PCDHGB4: variants seen among roughly 807,000 people sequenced by gnomAD.
PCDHGB4 encodes protocadherin gamma-B4.
Under a neutral mutation model 60.5 loss-of-function variants are expected in PCDHGB4, and 38 were observed. The ratio of observed to expected loss-of-function variants is 0.63; its 90% CI spans 0.48 to 0.82. The LOEUF (loss-of-function observed/expected upper bound fraction) is 0.82. Among genes scored for constraint, PCDHGB4 ranks in the 40% least tolerant of loss-of-function variants. The pLI, the probability that PCDHGB4 is intolerant of heterozygous loss-of-function variation, is 0.00. For synonymous variants in PCDHGB4, 456 were observed against 509.7 expected (o/e 0.89, Z 1.42); for missense variants, 1,109 against 1,209.6 (o/e 0.92, Z 1.23).
chr5:141,424,195 A>C (rs2096804945), intron 1 of PCDHGB4: 1 of 183,680 alleles, frequency 5.4e-6, no homozygotes, highest in Non-Finnish European at 1.1e-5. Context: ...ACACACTTAT[A>C]CACGTAAGCT....
intron 1 of PCDHGB4, chr5:141,405,487 T>G (rs750718741): frequency 4.3e-6 from 4 of 924,990 alleles, no homozygotes; most frequent in Non-Finnish European, 6.4e-6. Context: ...TGGTGTGATC[T>G]CGGCTCATTG....
chr5:141,467,321 G>A (rs2099141786), intron 1 of PCDHGB4, among the ~76,000 whole-genome samples: 2 of 152,024 alleles, frequency 1.3e-5, no homozygotes, highest in East Asian at 1.9e-4. Context: ...CCACAGTGCT[G>A]GGATTAGAGA....
chr5:141,394,275 A>G (rs371709954), intron 1 of PCDHGB4: 21 of 1,613,792 alleles, frequency 1.3e-5, no homozygotes, highest in Non-Finnish European at 1.6e-5. Flanking sequence ...TGCCCAGGTC[A>G]CTTACTCTGT....
At chr5:141,392,505 T>G (rs1271878225) in intron 1 of PCDHGB4, 1 of 227,850 alleles carries the variant, frequency 4.4e-6, no homozygotes, top group African/African-American at 2.3e-5. Flanking sequence ...ATGATTTTTT[T>G]TTCTCAGTAA....
In PCDHGB4 at chr5:141,491,835, G is replaced by C; in HGVS notation, c.2398-2972G>C. On this transcript the variant is annotated intron_variant, in intron 1 of 3. Coordinates refer to ENST00000519479, the MANE Select transcript of PCDHGB4 (RefSeq NM_003736.4). The surrounding 1 kb of genome is among the most constrained non-coding windows in gnomAD (Gnocchi z 6.9). The stretch of plus-strand genomic sequence containing the variant: ...GCTGGCTGCGCTCCACCCGATTCTC[G>C]GGATCATTGGACCGTTTGCGCGAAA... 1 of 1,473,258 alleles carries C rather than the reference G, an allele frequency of 6.8e-7. No individual in the cohort carries two copies. The highest frequency in any genetic ancestry group is 9.0e-7 in the Non-Finnish European group (1 of 1,112,098). The allele number at this position is 1,473,258 out of a possible 1,614,324, so 91.3% of individuals were successfully genotyped here.
chr5:141,432,642 C>T lies in PCDHGB4; in HGVS notation c.2397+42361C>T, dbSNP rs746251093. 7.4e-6 allele frequency: 12 copies of T among 1,613,784 alleles called. No individual in the cohort carries two copies. The highest frequency in any genetic ancestry group is 2.7e-5 in the African/African-American group (2 of 75,056). ...GGTCTGCACACGGGCGAGGTGCGCA[C>T]GGCGCGAGCCCTGCTGGACAGAGAC... On this transcript the variant is annotated intron_variant, in intron 1 of 3. Coordinates refer to ENST00000519479, the MANE Select transcript of PCDHGB4 (RefSeq NM_003736.4). This position sits in a 1 kb window ranked among gnomAD's most constrained non-coding sequence, Gnocchi z 6.0.
intron 1 of PCDHGB4, chr5:141,399,663 G>A: frequency 6.2e-7 from 1 of 1,613,624 alleles, no homozygotes; most frequent in Non-Finnish European, 8.5e-7. Flanking sequence ...TGGTGTTCGC[G>A]CAGCGCGCCT....
intron 1 of PCDHGB4, among the ~76,000 whole-genome samples, chr5:141,474,312 T>G (rs1358237994): frequency 6.6e-6 from 1 of 152,228 alleles, no homozygotes; most frequent in African/African-American, 2.4e-5. Flanking sequence ...AACTTTAATG[T>G]GTTTTCAAAT....
chr5:141,395,542 T>TTGTTTGTTTGTG (rs1267535064), intron 1 of PCDHGB4: 1 of 168,708 alleles, frequency 5.9e-6, no homozygotes, highest in African/African-American at 5.7e-5. Flanking sequence ...TTGCTATTGT[T>TTGTTTGTTTGTG]TGTGTGTGTG....
intron 1 of PCDHGB4, chr5:141,422,116 T>A (rs753281558): frequency 2.5e-6 from 4 of 1,604,730 alleles, no homozygotes; most frequent in Non-Finnish European, 3.4e-6. Context: ...CCAATTGGAT[T>A]CACAAACTGG....
Position 141,486,288 on chromosome 5 carries a change from T to C in PCDHGB4, c.2398-8519T>C. 5 of 1,613,996 alleles carry C rather than the reference T, an allele frequency of 3.1e-6. No individual in the cohort carries two copies. The highest frequency in any genetic ancestry group is 4.2e-6 in the Non-Finnish European group (5 of 1,179,986). ...GAACCTGGCACTGTGGTGGCACTTA[T>C]CAGTGTGCAGGATCCAGACTCAGGG... On this transcript the variant is annotated intron_variant, in intron 1 of 3. Coordinates refer to ENST00000519479, the MANE Select transcript of PCDHGB4 (RefSeq NM_003736.4). The surrounding 1 kb of genome is among the most constrained non-coding windows in gnomAD (Gnocchi z 5.0).
rs1433429634 is a variant in PCDHGB4 at position 141,486,311 on chromosome 5, G to T, written c.2398-8496G>T. 1.2e-6 allele frequency: 2 copies of T among 1,613,956 alleles called. No homozygotes were observed. Among genetic ancestry groups the T allele is most frequent in the African/African-American group, 2.7e-5 (2 of 74,892 alleles). On this transcript the variant is annotated intron_variant, in intron 1 of 3. Transcript: ENST00000519479. The surrounding 1 kb of genome is among the most constrained non-coding windows in gnomAD (Gnocchi z 5.0). The stretch of plus-strand genomic sequence containing the variant: ...TATCAGTGTGCAGGATCCAGACTCA[G>T]GGTCAAACGGAGATGTGAGCCTCCG...
At chr5:141,488,198 GGACTC>G in intron 1 of PCDHGB4, among the ~76,000 whole-genome samples, 1 of 152,166 alleles carries the variant, frequency 6.6e-6, no homozygotes, top group Non-Finnish European at 1.5e-5. Context: ...CTGGGTCTTA[GGACTC>G]ATATCAAGTC....
chr5:141,511,215 A>G lies in PCDHGB4; in HGVS notation c.*42A>G, dbSNP rs1562250541. On this transcript the variant is annotated 3_prime_UTR_variant, in exon 4 of 4. Coordinates refer to ENST00000519479, the MANE Select transcript of PCDHGB4 (RefSeq NM_003736.4). ...AGAGCCACAGGGCGGCCTCTCCCCA[A>G]CCAGCCCAGCTTCTCCTTACCTGCA... The G allele has an allele frequency of 1.2e-6, 2 of 1,608,380 alleles. No individual in the cohort carries two copies. The highest frequency in any genetic ancestry group is 2.2e-5 in the East Asian group (1 of 44,560).
rs745435492 is a variant in PCDHGB4, at chr5:141,489,215, A to G, written c.2398-5592A>G. The G allele has an allele frequency of 4.1e-6, 6 of 1,475,362 alleles. No homozygotes were observed. Among genetic ancestry groups the G allele is most frequent in the Non-Finnish European group, 5.5e-6 (6 of 1,093,140 alleles). 91.4% of individuals were successfully genotyped at this position (1,475,362 alleles called of 1,614,324 possible). A position where few individuals can be genotyped will look rare whatever the true frequency, so the allele number is the denominator to read the frequency against. ...CTTGGAGACAGGACAGCACAGACTT[A>G]CTCTCCACAAAGGGACTTCTGGGTC... On this transcript the variant is annotated intron_variant, in intron 1 of 3. Coordinates refer to ENST00000519479, the MANE Select transcript of PCDHGB4 (RefSeq NM_003736.4). The surrounding 1 kb of genome is among the most constrained non-coding windows in gnomAD (Gnocchi z 4.5).
At chr5:141,433,349 T>C in intron 1 of PCDHGB4, 1 of 616,610 alleles carries the variant, frequency 1.6e-6, no homozygotes, top group East Asian at 2.8e-5. Flanking sequence ...GCAAGCCACC[T>C]ACTGTCTGCC....
chr5:141,495,870 CCT>C (rs1183994771), intron 2 of PCDHGB4, among the ~76,000 whole-genome samples: 2 of 152,100 alleles, frequency 1.3e-5, no homozygotes. Flanking sequence ...TTTCTGCTTT[CCT>C]CTCTGTTCTT....
intron 1 of PCDHGB4, among the ~76,000 whole-genome samples, chr5:141,482,104 AAT>A (rs1452930297): frequency 2.7e-5 from 4 of 150,286 alleles, no homozygotes; most frequent in Non-Finnish European, 5.9e-5. Context: ...AAAAAAAAAA[AAT>A]ATCTAGAGAT....
intron 1 of PCDHGB4, among the ~76,000 whole-genome samples, chr5:141,467,320 T>C (rs1593065881): frequency 6.6e-6 from 1 of 152,322 alleles, no homozygotes; most frequent in African/African-American, 2.4e-5. Flanking sequence ...CCCACAGTGC[T>C]GGGATTAGAG....
Sources: gnomAD v4.1 joint callset for allele counts (sites outside exome capture counted in the v4.1 genomes callset) on GRCh38, gnomAD v4.1.1 for gene constraint, Gnocchi (gnomAD v3.1) non-coding constraint, MANE v1.5 for transcripts, NCBI Gene and HGNC (gene_info 2026-07-23, HGNC 2026-07-21) for gene names.